PCDHGB3: variants seen among roughly 807,000 people sequenced by gnomAD.
PCDHGB3 encodes the protein protocadherin gamma subfamily B, 3.
Under a neutral mutation model 59.2 loss-of-function variants are expected in PCDHGB3, and 40 were observed. That is an observed-to-expected ratio of 0.68 (90% CI 0.52 to 0.88). PCDHGB3 has a LOEUF of 0.88. Ranked by LOEUF, PCDHGB3 falls within the 40% of genes least tolerant of loss-of-function variation. The pLI is 0.00. For missense variants in PCDHGB3, 1,309 were observed against 1,187.9 expected (o/e 1.10, Z -1.50); for synonymous variants, 581 against 503.6 (o/e 1.15, Z -2.06).
At chr5:141,400,165 C>T (rs749867110) in intron 1 of PCDHGB3, 2 of 1,614,040 alleles carry the variant, frequency 1.2e-6, no homozygotes, top group South Asian at 2.2e-5. Flanking sequence ...ACCCTCTGAC[C>T]CCCAGGCTGA....
intron 1 of PCDHGB3, chr5:141,384,446 C>T (rs781605513): frequency 5.6e-6 from 9 of 1,614,034 alleles, no homozygotes; most frequent in South Asian, 4.4e-5. Context: ...GTCCTGTACG[C>T]GCTGCAATCC....
rs765690531 is a variant in PCDHGB3, at chr5:141,404,329, C to T, written c.2415+31520C>T. 6.8e-5 allele frequency: 110 copies of T among 1,613,772 alleles called. No homozygotes were observed. The East Asian group carries it at 2.4e-3, about 36-fold the overall frequency. On this transcript the variant is annotated intron_variant, in intron 1 of 3. Coordinates refer to ENST00000576222, the MANE Select transcript of PCDHGB3 (RefSeq NM_018924.5). ...CTTTCTCTCAAGCCTCCTACTCAGTCTACCTCCCGGAAAACAACGCCAGAG... is the reference window on the plus strand; with the variant it reads ...CTTTCTCTCAAGCCTCCTACTCAGTTTACCTCCCGGAAAACAACGCCAGAG...
At chr5:141,418,944 C>T in intron 1 of PCDHGB3, 1 of 1,614,026 alleles carries the variant, frequency 6.2e-7, no homozygotes, top group Non-Finnish European at 8.5e-7. Context: ...GATTCCCCTC[C>T]AGGAGTGGTT....
At chr5:141,448,523 A>G (rs2098593853) in intron 1 of PCDHGB3, among the ~76,000 whole-genome samples, 1 of 152,166 alleles carries the variant, frequency 6.6e-6, no homozygotes, top group African/African-American at 2.4e-5. Context: ...TTTATTAAGC[A>G]TCCTGTCAGC....
At position 141,485,727 on chromosome 5, in the gene PCDHGB3, G is replaced by T. The variant is rs773176318; in HGVS notation, c.2416-9080G>T. The T allele has an allele frequency of 3.1e-6, 5 of 1,614,196 alleles. No homozygotes were observed. In the Admixed American group the frequency reaches 5.0e-5, roughly 16 times the overall value. Reference sequence around the variant, plus strand: ...CACTTTGCACTGGATGTGAAGAAGCGCAGCGACGGCAGCCTGGTCCCAGAG... The same window carrying T: ...CACTTTGCACTGGATGTGAAGAAGCTCAGCGACGGCAGCCTGGTCCCAGAG... On this transcript the variant is annotated intron_variant, in intron 1 of 3. Transcript: ENST00000576222. The surrounding 1 kb of genome is among the most constrained non-coding windows in gnomAD (Gnocchi z 5.7).
At chr5:141,389,751 G>A (rs755499740) in intron 1 of PCDHGB3, 1 of 1,612,800 alleles carries the variant, frequency 6.2e-7, no homozygotes, top group Non-Finnish European at 8.5e-7. Flanking sequence ...GCGCACGGGC[G>A]AAGTGCGCAC....
In PCDHGB3 at chr5:141,428,425, T is replaced by A. The variant is rs1193842204; in HGVS notation, c.2415+55616T>A. ...GGGTTGCTTTCACCCTGGTCTCTGT[T>A]CTAAGACTAGACCAGGGGTTTTTCC... On this transcript the variant is annotated intron_variant, in intron 1 of 3. Transcript: ENST00000576222. 4 of 436,598 alleles carry A rather than the reference T, an allele frequency of 9.2e-6. No homozygotes were observed. In the East Asian group the frequency reaches 1.9e-4, roughly 21 times the overall value. 27.0% of individuals were successfully genotyped at this position (436,598 alleles called of 1,614,324 possible). A position where few individuals can be genotyped will look rare whatever the true frequency, so the allele number is the denominator to read the frequency against.
intron 1 of PCDHGB3, among the ~76,000 whole-genome samples, chr5:141,382,529 T>C (rs1778264328): frequency 6.6e-6 from 1 of 152,222 alleles, no homozygotes; most frequent in South Asian, 2.1e-4. Flanking sequence ...TGTCTTAAAA[T>C]GGATTTTTAA....
chr5:141,418,150 A>C (rs1377300460), intron 1 of PCDHGB3: 2 of 1,614,112 alleles, frequency 1.2e-6, no homozygotes, highest in Non-Finnish European at 8.5e-7. Context: ...AAATATGCAA[A>C]GAGAGAAGAA....
intron 1 of PCDHGB3, chr5:141,383,842 T>C: frequency 6.2e-7 from 1 of 1,613,970 alleles, no homozygotes. Context: ...AACTGCCTTC[T>C]ATGAAATGGA....
rs2099612736 is a variant in PCDHGB3 at position 141,485,393 on chromosome 5, C to T, written c.2416-9414C>T. The T allele has an allele frequency of 6.2e-7, 1 of 1,614,154 alleles. No homozygotes were observed. The highest frequency in any genetic ancestry group is 1.7e-5 in the Admixed American group (1 of 60,020). ...GGTCGCTGGAGAGGTGAACCAAAGA[C>T]ACTTCCGTGTGGATTTGGACAGCGG... On this transcript the variant is annotated intron_variant, in intron 1 of 3. Coordinates refer to ENST00000576222, the MANE Select transcript of PCDHGB3 (RefSeq NM_018924.5). The surrounding 1 kb of genome is among the most constrained non-coding windows in gnomAD (Gnocchi z 5.7).
intron 1 of PCDHGB3, chr5:141,478,670 C>G: frequency 6.4e-7 from 1 of 1,551,664 alleles, no homozygotes; most frequent in East Asian, 2.4e-5. Flanking sequence ...TTCACACTTT[C>G]AACTGGCCCT....
chr5:141,492,503 A>G (rs1341352458), intron 1 of PCDHGB3, among the ~76,000 whole-genome samples: 1 of 151,188 alleles, frequency 6.6e-6, no homozygotes, highest in Non-Finnish European at 1.5e-5. Context: ...AGGACTCCGG[A>G]GCCTCCTCTC....
intron 1 of PCDHGB3, chr5:141,377,067 G>A (rs1202945515): frequency 6.6e-6 from 1 of 152,572 alleles, no homozygotes; most frequent in Non-Finnish European, 1.5e-5. Context: ...CCTTTGCAGA[G>A]AGTCACATAA....
intron 1 of PCDHGB3, chr5:141,416,346 T>A (rs2096017940): frequency 6.6e-6 from 1 of 152,238 alleles, no homozygotes; most frequent in African/African-American, 2.4e-5. Flanking sequence ...TCAATAGGGA[T>A]CCTGAGGAGG....
intron 2 of PCDHGB3, among the ~76,000 whole-genome samples, chr5:141,496,582 G>C (rs991035985): frequency 6.6e-6 from 1 of 152,100 alleles, no homozygotes; most frequent in Non-Finnish European, 1.5e-5. Flanking sequence ...TTTTAGGAAC[G>C]CAAAGCGCTT....
intron 1 of PCDHGB3, among the ~76,000 whole-genome samples, chr5:141,472,711 C>T (rs1014451209): frequency 4.6e-5 from 7 of 151,904 alleles, no homozygotes; most frequent in Admixed American, 2.0e-4. Context: ...ACAGGCCAGG[C>T]GCTGTGGCTC....
At position 141,404,169 on chromosome 5, in the gene PCDHGB3, C is replaced by A; in HGVS notation, c.2415+31360C>A. On this transcript the variant is annotated intron_variant, in intron 1 of 3. Transcript: ENST00000576222. Reference sequence around the variant, plus strand: ...GAAGAAGATTATTACAGATTGTTGACGGCCCAAATTCTTGACCGAGAAAAA... The same window carrying A: ...GAAGAAGATTATTACAGATTGTTGAAGGCCCAAATTCTTGACCGAGAAAAA... 1 of 1,612,736 alleles carries A rather than the reference C, an allele frequency of 6.2e-7. No individual in the cohort carries two copies. The highest frequency in any genetic ancestry group is 8.5e-7 in the Non-Finnish European group (1 of 1,179,276).
At chr5:141,499,461 A>G (rs1448103747) in intron 2 of PCDHGB3, among the ~76,000 whole-genome samples, 2 of 152,226 alleles carry the variant, frequency 1.3e-5, no homozygotes. Flanking sequence ...TCATTTTACA[A>G]TCTAGGGAGA....
Sources: gnomAD v4.1 joint callset for allele counts (sites outside exome capture counted in the v4.1 genomes callset) on GRCh38, gnomAD v4.1.1 for gene constraint, Gnocchi (gnomAD v3.1) non-coding constraint, MANE v1.5 for transcripts, NCBI Gene and HGNC (gene_info 2026-07-23, HGNC 2026-07-21) for gene names.